Variants in AP1S2 observed in about 807,000 individuals in gnomAD.
AP1S2 encodes adaptor related protein complex 1 subunit sigma 2, also known as AP-1 complex subunit sigma-2.
Under a neutral mutation model 14.3 loss-of-function variants are expected in AP1S2, and 1 was observed. The observed-to-expected ratio is 0.07, with a 90% CI of 0.02 to 0.33. The LOEUF (loss-of-function observed/expected upper bound fraction) is 0.33, where lower values mean the gene tolerates loss of function less well. AP1S2 is among the 10% of genes least tolerant of loss of function. The pLI is 0.99. For missense variants in AP1S2, 30 were observed against 117.7 expected (o/e 0.25, Z 3.45); for synonymous variants, 30 against 40.5 (o/e 0.74, Z 0.99).
Position 15,854,738 on chromosome X carries a change from C to T in AP1S2, c.-51G>A. 1 of 800,563 alleles carries T rather than the reference C, an allele frequency of 1.2e-6. No individual in the cohort carries two copies. The highest frequency in any genetic ancestry group is 1.5e-6 in the Non-Finnish European group (1 of 669,044). 66.0% of individuals were successfully genotyped at this position (800,563 alleles called of 1,213,427 possible). On this transcript the variant is annotated 5_prime_UTR_variant, in exon 1 of 6. Coordinates refer to ENST00000672987, the MANE Select transcript of AP1S2 (RefSeq NM_001272071.2). ...GGAGCTTGGCCGGCGGCGGCGGCGG[C>T]GGCGAAGGGGAAGCCCCTGTCGCCG... is the stretch of plus-strand genomic sequence containing the variant.
intron 4 of AP1S2, among the ~76,000 whole-genome samples, chrX:15,828,689 A>G (rs1315382579): frequency 9.0e-6 from 1 of 110,767 alleles, no homozygotes; most frequent in Non-Finnish European, 1.9e-5. Flanking sequence ...GAGGGATATA[A>G]GAACAGCTAA....
rs767704112 is a variant in AP1S2, at chrX:15,831,425, CTATT to C, written c.427-3229_427-3226del. 6.5e-4 allele frequency: 442 copies of C among 683,530 alleles called. 2 individuals carry two copies. The Middle Eastern group carries it at 9.4e-3, about 15-fold the overall frequency. The allele number at this position is 683,530 out of a possible 1,213,427, so 56.3% of individuals were successfully genotyped here. Reference sequence around the variant, plus strand: ...AAAGTACTAGTTCTAAAATGTTCTACTATTATTATACAAGACAATAAATCACCAT... The same window carrying C: ...AAAGTACTAGTTCTAAAATGTTCTACATTATACAAGACAATAAATCACCAT... On this transcript the variant is annotated intron_variant, in intron 4 of 5. Coordinates refer to ENST00000672987, the MANE Select transcript of AP1S2 (RefSeq NM_001272071.2).
At chrX:15,848,817 G>T (rs1934077201) in intron 2 of AP1S2, among the ~76,000 whole-genome samples, 1 of 112,207 alleles carries the variant, frequency 8.9e-6, no homozygotes, top group African/African-American at 3.2e-5. Flanking sequence ...CTTCTCCGCA[G>T]TCAGCTAAAT....
chrX:15,836,756 C>T (rs939892051), intron 4 of AP1S2, among the ~76,000 whole-genome samples: 4 of 111,045 alleles, frequency 3.6e-5, no homozygotes, highest in African/African-American at 1.3e-4. Flanking sequence ...TGGTGGTGTG[C>T]ACCTGTAATC....
chrX:15,846,600 C>T (rs1402645809), intron 2 of AP1S2, among the ~76,000 whole-genome samples: 2 of 112,007 alleles, frequency 1.8e-5, no homozygotes, highest in African/African-American at 6.5e-5. Flanking sequence ...CTCCCAGTCA[C>T]AACCTCCCAC....
intron 4 of AP1S2, chrX:15,844,998 C>T: frequency 1.3e-6 from 1 of 749,873 alleles, no homozygotes; most frequent in Non-Finnish European, 1.6e-6. Flanking sequence ...TCCTGATTAT[C>T]TACACTAATG....
At chrX:15,833,150 T>G in intron 4 of AP1S2, 1 of 984,871 alleles carries the variant, frequency 1.0e-6, no homozygotes, top group Non-Finnish European at 1.3e-6. Flanking sequence ...CTTTTCTCTC[T>G]TAATTTTCTA....
At position 15,828,085 on chromosome X, in the gene AP1S2, G is replaced by T. The variant is rs961337208; in HGVS notation, c.435+107C>A. ...AAATCACAAAATAAAGGACCAAGGA[G>T]GCCAACTTTCAGGTATTACTAGCAA... On this transcript the variant is annotated intron_variant, in intron 5 of 5. Coordinates refer to ENST00000672987, the MANE Select transcript of AP1S2 (RefSeq NM_001272071.2). 4.5e-5 allele frequency: 24 copies of T among 535,150 alleles called. No homozygotes were observed. The South Asian group carries it at 6.5e-4, about 15-fold the overall frequency. 44.1% of individuals were successfully genotyped at this position (535,150 alleles called of 1,213,427 possible).
Position 15,826,036 on chromosome X carries a change from A to G in AP1S2, c.*1289T>C. The G allele has an allele frequency of 8.9e-6, 1 of 112,088 alleles. No homozygotes were observed. Among genetic ancestry groups the G allele is most frequent in the African/African-American group, 3.2e-5 (1 of 30,935 alleles). 9.2% of individuals were successfully genotyped at this position (112,088 alleles called of 1,213,427 possible). A position where few individuals can be genotyped will look rare whatever the true frequency, so the allele number is the denominator to read the frequency against. Reference sequence around the variant, plus strand: ...TTCAGCAGCTCTGCATAGTTTGACAAACTTTTGGAAAGAGATAAAAACACA... The same window carrying G: ...TTCAGCAGCTCTGCATAGTTTGACAGACTTTTGGAAAGAGATAAAAACACA... On this transcript the variant is annotated 3_prime_UTR_variant, in exon 6 of 6. Transcript: ENST00000672987.
In AP1S2 at chrX:15,827,205, T is replaced by G. The variant is rs1933292200; in HGVS notation, c.*120A>C. The G allele has an allele frequency of 1.3e-6, 1 of 746,371 alleles. No homozygotes were observed. Among genetic ancestry groups the G allele is most frequent in the Non-Finnish European group, 2.1e-6 (1 of 475,689 alleles). 61.5% of individuals were successfully genotyped at this position (746,371 alleles called of 1,213,427 possible). A position where few individuals can be genotyped will look rare whatever the true frequency, so the allele number is the denominator to read the frequency against. ...ATTGTGTAGGCATGAATGAAGCGGCTTAGCAAAACAGTAATACTGACAAGA... is the reference window on the plus strand; with the variant it reads ...ATTGTGTAGGCATGAATGAAGCGGCGTAGCAAAACAGTAATACTGACAAGA... On this transcript the variant is annotated 3_prime_UTR_variant, in exon 6 of 6. Transcript: ENST00000672987.
intron 2 of AP1S2, among the ~76,000 whole-genome samples, chrX:15,852,124 A>T (rs745439990): frequency 2.0e-4 from 22 of 112,595 alleles, no homozygotes; most frequent in Non-Finnish European, 1.9e-4. Flanking sequence ...GCCTTTAATT[A>T]TATAACTAGT....
chrX:15,854,364 G>A (rs1569090127), intron 1 of AP1S2, among the ~76,000 whole-genome samples: 1 of 112,392 alleles, frequency 8.9e-6, no homozygotes, highest in Non-Finnish European at 1.9e-5. Flanking sequence ...CCGCCGCGCA[G>A]GGGGCGCCAA....
chrX:15,833,939 C>T (rs893704995), intron 4 of AP1S2, among the ~76,000 whole-genome samples: 4 of 111,202 alleles, frequency 3.6e-5, no homozygotes, highest in African/African-American at 1.3e-4. Flanking sequence ...GCAAACTATC[C>T]GTTTCTTAAA....
intron 4 of AP1S2, chrX:15,833,401 T>C: frequency 1.2e-6 from 1 of 861,682 alleles, no homozygotes; most frequent in South Asian, 3.2e-5. Context: ...AACTATTCTT[T>C]ATAGCCATTG....
chrX:15,854,597 C>T, intron 1 of AP1S2, 91 bp downstream of exon 1: 1 of 380,557 alleles, frequency 2.6e-6, no homozygotes, highest in Non-Finnish European at 3.4e-6. Context: ...GTGGGGTCGT[C>T]GGGGCGCGCG....
chrX:15,849,195 A>G (rs939988209), intron 2 of AP1S2, among the ~76,000 whole-genome samples: 1 of 112,462 alleles, frequency 8.9e-6, no homozygotes, highest in African/African-American at 3.2e-5. Context: ...TTTTCAGCTA[A>G]TATTATTCTT....
chrX:15,840,122 A>G (rs1385140278), intron 4 of AP1S2, among the ~76,000 whole-genome samples: 2 of 112,177 alleles, frequency 1.8e-5, no homozygotes, highest in African/African-American at 3.2e-5. Flanking sequence ...CAGTAAATCT[A>G]TTCATAAAGT....
rs1388828355 is a variant in AP1S2 at position 15,828,759 on chromosome X, G to T, written c.427-559C>A. Among the ~76,000 whole-genome samples, 24 of 95,841 alleles carry T rather than the reference G, an allele frequency of 2.5e-4. No homozygotes were observed. In the Admixed American group the frequency reaches 3.0e-3, roughly 12 times the overall value. The allele number at this position is 95,841 out of a possible 115,157, so 83.2% of individuals were successfully genotyped here. ...AGGTAGGACATCCTGCAGCATAAAT[G>T]ACCTCGTTTTAAAAAAAAAAAATGG... On this transcript the variant is annotated intron_variant, in intron 4 of 5. Coordinates refer to ENST00000672987, the MANE Select transcript of AP1S2 (RefSeq NM_001272071.2).
At chrX:15,854,647 T>A in intron 1 of AP1S2, 41 bp downstream of exon 1, 9 of 528,603 alleles carry the variant, frequency 1.7e-5, no homozygotes, top group Non-Finnish European at 1.6e-5. Flanking sequence ...CCTCCCCCTC[T>A]CCCCCATCCC....
Sources: allele counts gnomAD v4.1 joint callset (sites outside exome capture counted in the v4.1 genomes callset), GRCh38; gene constraint gnomAD v4.1.1; transcripts MANE v1.5; gene names NCBI Gene and HGNC (gene_info 2026-07-23, HGNC 2026-07-21).